The following CFAP77 variants were observed in gnomAD, a reference collection of about 807,000 sequenced individuals.
CFAP77 encodes cilia- and flagella-associated protein 77.
In CFAP77, 25 loss-of-function variants were observed where a neutral mutation model predicts 31.1. The observed-to-expected ratio is 0.80, with a 90% CI of 0.59 to 1.12. The LOEUF (loss-of-function observed/expected upper bound fraction) is 1.12, where lower values mean the gene tolerates loss of function less well. Among genes scored for constraint, CFAP77 ranks in the 50% most tolerant of loss-of-function variants. The pLI is 0.00. For synonymous variants in CFAP77, 151 were observed against 159.9 expected (o/e 0.94, Z 0.42); for missense variants, 377 against 397.3 (o/e 0.95, Z 0.44).
chr9:132,562,966 G>A (rs936643805), intron 5 of CFAP77, among the ~76,000 whole-genome samples: 2 of 151,970 alleles, frequency 1.3e-5, no homozygotes, highest in Admixed American at 6.6e-5. Flanking sequence ...CCAAAGTGCT[G>A]GGATTACAGG....
At chr9:132,550,091 G>T (rs1852800499) in intron 5 of CFAP77, among the ~76,000 whole-genome samples, 1 of 152,166 alleles carries the variant, frequency 6.6e-6, no homozygotes, top group Admixed American at 6.5e-5. Context: ...TGTCTGTGGT[G>T]GGGCCTGCAG....
intron 3 of CFAP77, among the ~76,000 whole-genome samples, chr9:132,533,494 T>A (rs567100592): frequency 3.8e-4 from 58 of 152,366 alleles, no homozygotes; most frequent in African/African-American, 1.4e-3. Flanking sequence ...CTCTTCCAGC[T>A]GCTGGCGGCT....
At chr9:132,462,458 C>T (rs906770155) in intron 1 of CFAP77, among the ~76,000 whole-genome samples, 2 of 152,120 alleles carry the variant, frequency 1.3e-5, no homozygotes, top group Non-Finnish European at 1.5e-5. Flanking sequence ...ATAGATGTCC[C>T]ATAAATGTAG....
intron 3 of CFAP77, among the ~76,000 whole-genome samples, chr9:132,523,091 T>TCTTTC (rs34514932): frequency 2.4e-4 from 36 of 147,966 alleles, no homozygotes; most frequent in South Asian, 4.2e-4. Context: ...CTTCTTTCTT[T>TCTTTC]TTTTTTTTTT....
At chr9:132,521,370 G>A (rs919396809) in intron 3 of CFAP77, among the ~76,000 whole-genome samples, 5 of 152,196 alleles carry the variant, frequency 3.3e-5, no homozygotes, top group African/African-American at 9.6e-5. Flanking sequence ...CATGTCCTCA[G>A]GAAAGGAGTT....
At chr9:132,519,966 T>C (rs893310374) in intron 3 of CFAP77, among the ~76,000 whole-genome samples, 18 of 151,662 alleles carry the variant, frequency 1.2e-4, no homozygotes, top group Non-Finnish European at 2.1e-4. Context: ...ATGGATGGAC[T>C]AACGAACGAG....
At chr9:132,435,333 A>G (rs1279692817) in intron 1 of CFAP77, among the ~76,000 whole-genome samples, 1 of 152,208 alleles carries the variant, frequency 6.6e-6, no homozygotes, top group African/African-American at 2.4e-5. Flanking sequence ...GGGTTCTAAG[A>G]GAGAGAAAAA....
chr9:132,511,210 G>A lies in CFAP77; in HGVS notation c.524+11610G>A, dbSNP rs1287600037. ...GGAGAGAGGGCACAAGGGTACCTTC[G>A]GGTCTGCTGAGACTTGACTCTGACT... On this transcript the variant is annotated intron_variant, in intron 3 of 5. Transcript: ENST00000393216. This position sits in a 1 kb window ranked among gnomAD's most constrained non-coding sequence, Gnocchi z 5.8. Among the ~76,000 whole-genome samples the A allele has an allele frequency of 1.3e-5, 2 of 152,110 alleles. No individual in the cohort carries two copies. Among genetic ancestry groups the A allele is most frequent in the African/African-American group, 2.4e-5 (1 of 41,414 alleles).
At chr9:132,458,357 G>GGGGCGGGGAGTGT (rs139008147) in intron 1 of CFAP77, among the ~76,000 whole-genome samples, 1 of 119,114 alleles carries the variant, frequency 8.4e-6, no homozygotes, top group Non-Finnish European at 1.7e-5. Context: ...GAGGGGGGGG[G>GGGGCGGGGAGTGT]GTGTGTATGG....
intron 1 of CFAP77, among the ~76,000 whole-genome samples, chr9:132,416,434 C>T (rs1033708116): frequency 1.3e-5 from 2 of 150,138 alleles, no homozygotes; most frequent in Non-Finnish European, 3.0e-5. Flanking sequence ...TCCGCCTCCC[C>T]GGTTCAAGGG....
intron 4 of CFAP77, among the ~76,000 whole-genome samples, chr9:132,541,285 C>T (rs1852635994): frequency 6.6e-6 from 1 of 152,260 alleles, no homozygotes; most frequent in Non-Finnish European, 1.5e-5. Flanking sequence ...AAGAACCCTG[C>T]TCAGTGGGCG....
chr9:132,508,149 C>T (rs139663539), intron 3 of CFAP77, among the ~76,000 whole-genome samples: 1 of 152,070 alleles, frequency 6.6e-6, no homozygotes, highest in Non-Finnish European at 1.5e-5. Flanking sequence ...CATCTGAGAC[C>T]CAGAGAGGGG....
At chr9:132,556,947 C>T (rs918891741) in intron 5 of CFAP77, among the ~76,000 whole-genome samples, 2 of 152,204 alleles carry the variant, frequency 1.3e-5, no homozygotes, top group African/African-American at 2.4e-5. Context: ...ACGCCAGGCC[C>T]GGGCCCTGTT....
In CFAP77 at chr9:132,410,361, G is replaced by T. The variant is rs1427845140; in HGVS notation, c.90G>T (p.Pro30=). ...PVRRTVSQVC[P]PPRRPLTVAD... ...GCCGCACGGTCAGCCAGGTCTGCCC[G>T]CCCCCGCGGCGGCCCCTGACCGTGG... Residue 30 remains proline (P), a synonymous_variant, in exon 1 of 6, where the codon CCG becomes CCT. Transcript: ENST00000393216. The T allele has an allele frequency of 1.3e-6, 2 of 1,598,042 alleles. No individual in the cohort carries two copies. The highest frequency in any genetic ancestry group is 1.7e-6 in the Non-Finnish European group (2 of 1,173,648).
At position 132,497,962 on chromosome 9, in the gene CFAP77, C is replaced by T. The variant is rs1589887511; in HGVS notation, c.196-733C>T. Among the ~76,000 whole-genome samples, 1 of 152,276 alleles carries T rather than the reference C, an allele frequency of 6.6e-6. No homozygotes were observed. The highest frequency in any genetic ancestry group is 2.4e-5 in the African/African-American group (1 of 41,552). On this transcript the variant is annotated intron_variant, in intron 1 of 5. Transcript: ENST00000393216. The surrounding 1 kb of genome is among the most constrained non-coding windows in gnomAD (Gnocchi z 4.9). ...GGCACGCCTCCATGCGATGCCCTGC[C>T]CAGCGCTTGGGGGCCGGGGATATCG...
At chr9:132,428,001 T>C (rs1426413010) in intron 1 of CFAP77, among the ~76,000 whole-genome samples, 1 of 125,934 alleles carries the variant, frequency 7.9e-6, no homozygotes, top group Non-Finnish European at 1.5e-5. Context: ...AGATTCTTTC[T>C]TTTTTTTTTT....
At chr9:132,537,510 C>T (rs534903813) in intron 3 of CFAP77, 91 bp from the exon 4 acceptor site, 5 of 870,338 alleles carry the variant, frequency 5.7e-6, no homozygotes, top group East Asian at 2.5e-5. Context: ...CAGCCCCTGA[C>T]GTTTAGGAGG....
At chr9:132,423,462 C>CT (rs1406983461) in intron 1 of CFAP77, among the ~76,000 whole-genome samples, 3 of 152,228 alleles carry the variant, frequency 2.0e-5, no homozygotes, top group African/African-American at 7.2e-5. Flanking sequence ...CACTGTGCCT[C>CT]TCCCTTACAT....
At chr9:132,505,957 G>T (rs1851924636) in intron 3 of CFAP77, among the ~76,000 whole-genome samples, 1 of 152,200 alleles carries the variant, frequency 6.6e-6, no homozygotes, top group African/African-American at 2.4e-5. Context: ...GATCTTAAAC[G>T]TGGCAGGCAT....
Sources: allele counts gnomAD v4.1 joint callset (sites outside exome capture counted in the v4.1 genomes callset), GRCh38; gene constraint gnomAD v4.1.1; non-coding constraint Gnocchi (gnomAD v3.1); transcripts MANE v1.5; gene names NCBI Gene and HGNC (gene_info 2026-07-23, HGNC 2026-07-21).